CCNB3: variants seen among roughly 807,000 people sequenced by gnomAD.
CCNB3 encodes the protein cyclin B3.
CCNB3 carries 12 observed loss-of-function variants against 68.0 expected under a neutral mutation model. The observed-to-expected ratio is 0.18, with a 90% CI of 0.11 to 0.29. CCNB3 has a LOEUF of 0.29. Ranked by LOEUF, CCNB3 falls within the 10% of genes least tolerant of loss-of-function variation. The pLI is 1.00. For synonymous variants in CCNB3, 354 were observed against 388.9 expected (o/e 0.91, Z 1.06); for missense variants, 904 against 993.1 (o/e 0.91, Z 1.21).
chrX:50,300,004 C>G lies in CCNB3; in HGVS notation c.335+5011C>G, dbSNP rs782523490. ...TTGCTTGGTAGATCTTCCTCCATCC[C>G]TTTATTTTGAGCCTGTGTGTATCTC... On this transcript the variant is annotated intron_variant, in intron 5 of 12. Transcript: ENST00000376042. 5.5e-3 allele frequency among the ~76,000 whole-genome samples: 612 copies of G among 111,263 alleles called. 3 individuals carry two copies. Among genetic ancestry groups the G allele is most frequent in the Non-Finnish European group, 8.0e-3 (425 of 53,057 alleles).
intron 9 of CCNB3, among the ~76,000 whole-genome samples, chrX:50,344,943 C>T (rs1923324346): frequency 9.0e-6 from 1 of 110,889 alleles, no homozygotes; most frequent in Admixed American, 9.6e-5. Flanking sequence ...GAGTTGGCAA[C>T]TTTTACCAAG....
At chrX:50,333,360 A>G (rs1324214242) in intron 8 of CCNB3, among the ~76,000 whole-genome samples, 1 of 111,590 alleles carries the variant, frequency 9.0e-6, no homozygotes, top group Non-Finnish European at 1.9e-5. Context: ...TATTACCTCC[A>G]CATTTTGGCA....
chrX:50,285,034 G>C lies in CCNB3; in HGVS notation c.-37-93G>C. 4 of 489,682 alleles carry C rather than the reference G, an allele frequency of 8.2e-6. No homozygotes were observed. The South Asian group carries it at 1.3e-4, about 15-fold the overall frequency. 40.4% of individuals were successfully genotyped at this position (489,682 alleles called of 1,213,427 possible). A position where few individuals can be genotyped will look rare whatever the true frequency, so the allele number is the denominator to read the frequency against. ...ACATCAAAATCTGTTTTCTCCTAGGGATGCTATAGATAGACTGGGTTTTCT... is the reference window on the plus strand; with the variant it reads ...ACATCAAAATCTGTTTTCTCCTAGGCATGCTATAGATAGACTGGGTTTTCT... On this transcript the variant is annotated intron_variant, in intron 2 of 12. Coordinates refer to ENST00000376042, the MANE Select transcript of CCNB3 (RefSeq NM_033031.3).
At chrX:50,224,400 C>T (rs1372838261) in intron 1 of CCNB3, among the ~76,000 whole-genome samples, 2 of 111,530 alleles carry the variant, frequency 1.8e-5, no homozygotes, top group African/African-American at 6.5e-5. Context: ...AAAGGGCTGT[C>T]TTCTCTTTCC....
chrX:50,213,126 T>A (rs1935508892), intron 1 of CCNB3, among the ~76,000 whole-genome samples: 1 of 78,974 alleles, frequency 1.3e-5, no homozygotes. Context: ...GTTATCTCTG[T>A]TCCACACAGA....
chrX:50,333,742 A>G (rs943220548), intron 8 of CCNB3, among the ~76,000 whole-genome samples: 6 of 110,254 alleles, frequency 5.4e-5, no homozygotes, highest in African/African-American at 2.0e-4. Flanking sequence ...TGTTTGAGGG[A>G]GTAAGGGGGC....
chrX:50,206,599 A>C (rs1935370569), intron 1 of CCNB3, among the ~76,000 whole-genome samples: 2 of 108,147 alleles, frequency 1.8e-5, no homozygotes, highest in African/African-American at 6.8e-5. Flanking sequence ...AAAAATAATA[A>C]AAATGAAATA....
At chrX:50,321,913 T>C (rs1172041162) in intron 8 of CCNB3, among the ~76,000 whole-genome samples, 1 of 111,351 alleles carries the variant, frequency 9.0e-6, no homozygotes, top group African/African-American at 3.3e-5. Context: ...CCAGGTCTTT[T>C]ACAATTTCAA....
At chrX:50,329,291 T>G (rs1356607446) in intron 8 of CCNB3, among the ~76,000 whole-genome samples, 2 of 112,377 alleles carry the variant, frequency 1.8e-5, no homozygotes, top group African/African-American at 6.5e-5. Flanking sequence ...ACTGCCCTCA[T>G]AAAGGTTCTC....
chrX:50,205,933 G>A (rs185861014), intron 1 of CCNB3, among the ~76,000 whole-genome samples: 1 of 103,353 alleles, frequency 9.7e-6, no homozygotes, highest in East Asian at 3.2e-4. Context: ...GAACGACAGA[G>A]TGAGACTCTT....
chrX:50,214,363 CTCT>C (rs1342392129), intron 1 of CCNB3, among the ~76,000 whole-genome samples: 8 of 98,755 alleles, frequency 8.1e-5, no homozygotes, highest in African/African-American at 2.9e-4. Flanking sequence ...ATTTATTTTT[CTCT>C]TCTTTTTCTA....
intron 1 of CCNB3, among the ~76,000 whole-genome samples, chrX:50,206,804 G>T (rs1557205584): frequency 9.1e-6 from 1 of 110,216 alleles, no homozygotes. Flanking sequence ...TGTAGTCCCA[G>T]TTACTCCGGA....
intron 4 of CCNB3, among the ~76,000 whole-genome samples, chrX:50,289,669 A>G (rs782454440): frequency 1.8e-5 from 2 of 111,708 alleles, no homozygotes; most frequent in African/African-American, 6.5e-5. Flanking sequence ...CCTATGAGGT[A>G]GATACTATAA....
intron 8 of CCNB3, among the ~76,000 whole-genome samples, chrX:50,332,544 G>T (rs906857570): frequency 9.0e-6 from 1 of 111,647 alleles, no homozygotes; most frequent in Admixed American, 9.5e-5. Flanking sequence ...TCGGCTGTGC[G>T]TAGACCAGTC....
At position 50,294,969 on chromosome X, in the gene CCNB3, A is replaced by G. The variant is rs1028411624; in HGVS notation, c.311A>G (p.Lys104Arg). ...NRNTHALGLA[K>R]KNKRNLKWHK... Reference sequence around the variant, plus strand: ...AACACACATGCTCTTGGACTGGCCAAAAAGAATAAGCGGAATCTAAAATGG... The same window carrying G: ...AACACACATGCTCTTGGACTGGCCAGAAAGAATAAGCGGAATCTAAAATGG... The change falls in exon 5 of 13, where the codon AAA (lysine) becomes AGA (arginine). Residue 104 changes from lysine (K) to arginine (R), a missense_variant. By Grantham distance (26) the Lys-to-Arg change is conservative. Coordinates refer to ENST00000376042, the MANE Select transcript of CCNB3 (RefSeq NM_033031.3). 1 of 1,207,730 alleles carries G rather than the reference A, an allele frequency of 8.3e-7. No homozygotes were observed.
intron 8 of CCNB3, among the ~76,000 whole-genome samples, chrX:50,321,865 G>T (rs894117246): frequency 9.9e-5 from 11 of 110,588 alleles, no homozygotes; most frequent in Admixed American, 1.9e-4. Context: ...TTATAATGTC[G>T]AACTTACTAA....
intron 8 of CCNB3, among the ~76,000 whole-genome samples, chrX:50,341,043 A>C (rs1923099074): frequency 8.9e-6 from 1 of 112,071 alleles, no homozygotes; most frequent in Non-Finnish European, 1.9e-5. Context: ...AAGTAGACAA[A>C]GATCAGCCAG....
intron 1 of CCNB3, among the ~76,000 whole-genome samples, chrX:50,228,728 T>C (rs1243747099): frequency 1.6e-5 from 1 of 64,267 alleles, no homozygotes; most frequent in African/African-American, 6.0e-5. Context: ...AGAATATATA[T>C]AGAATATAGA....
intron 6 of CCNB3, 40 bp downstream of exon 6, chrX:50,311,536 C>A: frequency 2.1e-6 from 2 of 950,137 alleles, no homozygotes; most frequent in South Asian, 2.4e-5. Flanking sequence ...ATAAATTGTT[C>A]TTTGATATCC....
Sources: gnomAD v4.1 joint callset for allele counts (sites outside exome capture counted in the v4.1 genomes callset) on GRCh38, gnomAD v4.1.1 for gene constraint, MANE v1.5 for transcripts, NCBI Gene and HGNC (gene_info 2026-07-23, HGNC 2026-07-21) for gene names.